PPT2: variants seen among roughly 807,000 people sequenced by gnomAD.
PPT2 encodes the protein palmitoyl-protein thioesterase 2.
A neutral mutation model predicts 37.3 loss-of-function variants in PPT2; 20 were observed. The ratio of observed to expected loss-of-function variants is 0.54; its 90% CI spans 0.38 to 0.78. The LOEUF is 0.78. PPT2 is among the 30% of genes least tolerant of loss of function. The probability of loss-of-function intolerance (pLI) is 0.00; values close to 1 mark genes in which losing one functional copy is unlikely to be tolerated. For missense variants in PPT2, 270 were observed against 389.8 expected (o/e 0.69, Z 2.59); for synonymous variants, 135 against 159.1 (o/e 0.85, Z 1.14).
In PPT2 at chr6:32,157,623, C is replaced by T. The variant is rs374060742; in HGVS notation, c.542-14C>T. The stretch of plus-strand genomic sequence containing the variant: ...CCTTTTCTGCTTCTTTTTCTAACTG[C>T]TGTTTGTACCCAGATCCCCACCACG... On this transcript the variant is annotated splice_polypyrimidine_tract_variant and intron_variant, in intron 5 of 8. Transcript: ENST00000324816. 4.7e-5 allele frequency: 73 copies of T among 1,564,270 alleles called. No homozygotes were observed. The highest frequency in any genetic ancestry group is 3.3e-4 in the Middle Eastern group (2 of 5,992).
intron 7 of PPT2, among the ~76,000 whole-genome samples, chr6:32,158,876 A>T (rs1462882278): frequency 6.6e-6 from 1 of 152,170 alleles, no homozygotes; most frequent in South Asian, 2.1e-4. Flanking sequence ...GCTAGTGCAC[A>T]AGGAGCTGGG....
Position 32,155,118 on chromosome 6 carries a change from G to A in PPT2, c.272G>A (p.Arg91Gln), listed in dbSNP as rs148788801. ...RPLWEQVQGF[R>Q]EAVVPIMAKA... ...CTGTGGGAACAGGTGCAAGGGTTCC[G>A]AGAGGCTGTGGTCCCCATCATGGCA... The change falls in exon 3 of 9, where the codon CGA becomes CAA. Residue 91 changes from arginine (R) to glutamine (Q), a missense_variant. Arg to Gln is a conservative substitution (Grantham distance 43). Transcript: ENST00000324816. The surrounding 1 kb of genome is among the most constrained non-coding windows in gnomAD (Gnocchi z 4.3). 18 of 1,613,026 alleles carry A rather than the reference G, an allele frequency of 1.1e-5. No homozygotes were observed. In the East Asian group the frequency reaches 1.3e-4, roughly 12 times the overall value.
intron 5 of PPT2, 85 bp from the exon 6 acceptor site, chr6:32,157,552 A>C: frequency 3.5e-6 from 4 of 1,140,752 alleles, no homozygotes; most frequent in Non-Finnish European, 5.3e-6. Context: ...CACCTTGACT[A>C]TTGCTGCAGC....
Position 32,162,198 on chromosome 6 carries a change from CTTTTCTT to C in PPT2, c.711-361_711-355del, listed in dbSNP as rs1784204426. Among the ~76,000 whole-genome samples the C allele has an allele frequency of 6.6e-6, 1 of 151,970 alleles. No homozygotes were observed. Among genetic ancestry groups the C allele is most frequent in the Admixed American group, 6.6e-5 (1 of 15,264 alleles). ...CCTTGATTTCTTCCTTTCTTTTTTC[CTTTTCTT>C]TTTTCTTTCCTTTTTCCTTTCCTTT... On this transcript the variant is annotated intron_variant, in intron 7 of 8. Transcript: ENST00000324816. This position sits in a 1 kb window ranked among gnomAD's most constrained non-coding sequence, Gnocchi z 5.5.
chr6:32,159,533 C>G (rs1290814323), intron 7 of PPT2, among the ~76,000 whole-genome samples: 1 of 135,856 alleles, frequency 7.4e-6, no homozygotes, highest in Non-Finnish European at 1.5e-5. Context: ...TTTTTAAATT[C>G]TGAGTGAGAT....
chr6:32,157,897 A>G lies in PPT2; in HGVS notation c.683A>G (p.Asp228Gly), dbSNP rs1440856440. 6.2e-7 allele frequency: 1 copy of G among 1,612,276 alleles called. No homozygotes were observed. The highest frequency in any genetic ancestry group is 8.5e-7 in the Non-Finnish European group (1 of 1,179,588). Residue 228 changes from aspartate (D) to glycine (G), a missense_variant, in exon 7 of 9, where the codon GAT (aspartate) becomes GGT (glycine). Asp to Gly is a moderately conservative substitution (Grantham distance 94). Transcript: ENST00000324816. ...CTGGTGCTGATTGGGGGCCCTGATGATGGTGTTATTACTCCCTGGCAGTCC... is the reference window on the plus strand; with the variant it reads ...CTGGTGCTGATTGGGGGCCCTGATGGTGGTGTTATTACTCCCTGGCAGTCC... ...GHLVLIGGPDDGVITPWQSSF... is the reference protein window; with the variant it reads ...GHLVLIGGPDGGVITPWQSSF...
In PPT2 at chr6:32,162,694, T is replaced by G; in HGVS notation, c.765+72T>G. ...ATTCCAGAGCCCTCTCTGTGACTCC[T>G]GAGCTGAAGGGTTCACCCTGTGGGG... On this transcript the variant is annotated intron_variant, in intron 8 of 8. Transcript: ENST00000324816. This position sits in a 1 kb window ranked among gnomAD's most constrained non-coding sequence, Gnocchi z 5.5. 1.9e-6 allele frequency: 3 copies of G among 1,574,366 alleles called. No homozygotes were observed. The South Asian group carries it at 3.3e-5, about 17-fold the overall frequency.
intron 7 of PPT2, among the ~76,000 whole-genome samples, chr6:32,160,251 TAGCC>T (rs1784067904): frequency 6.6e-6 from 1 of 150,974 alleles, no homozygotes; most frequent in Non-Finnish European, 1.5e-5. Flanking sequence ...TTCACTGTGT[TAGCC>T]AGGATGGTTT....
intron 7 of PPT2, chr6:32,158,284 A>C (rs1263821494): frequency 1.4e-5 from 3 of 216,506 alleles, no homozygotes; most frequent in African/African-American, 6.9e-5. Context: ...GCACAGTATC[A>C]AAACCAGGAA....
In PPT2 at chr6:32,163,662, G is replaced by A. The variant is rs1226300443; in HGVS notation, c.*712G>A. ...TTATCCCTGTATTTATGGAAATAAA[G>A]TTCCATTTCCTCAGTGTGACTTGGC... On this transcript the variant is annotated 3_prime_UTR_variant, in exon 9 of 9. Transcript: ENST00000324816. 2 of 152,684 alleles carry A rather than the reference G, an allele frequency of 1.3e-5. No homozygotes were observed. Among genetic ancestry groups the A allele is most frequent in the African/African-American group, 4.8e-5 (2 of 41,462 alleles). 9.5% of individuals were successfully genotyped at this position (152,684 alleles called of 1,614,324 possible). A position where few individuals can be genotyped will look rare whatever the true frequency, so the allele number is the denominator to read the frequency against.
rs753877007 is a variant in PPT2 at position 32,157,919 on chromosome 6, G to C, written c.705G>C (p.Gln235His). ...GPDDGVITPW[Q>H]SSFFGFYDAN... is the part of the protein sequence containing the mutation. ...ATGATGGTGTTATTACTCCCTGGCA[G>C]TCCAGGTAATAAGGGATTTTGTGGC... The change falls in exon 7 of 9, where the codon CAG (glutamine) becomes CAC (histidine). Residue 235 changes from glutamine to histidine, a missense_variant. Physicochemically the swap from Gln to His is conservative, Grantham distance 24. Coordinates refer to ENST00000324816, the MANE Select transcript of PPT2 (RefSeq NM_005155.7). The C allele has an allele frequency of 6.2e-7, 1 of 1,608,832 alleles. No individual in the cohort carries two copies. The highest frequency in any genetic ancestry group is 8.5e-7 in the Non-Finnish European group (1 of 1,176,486).
At chr6:32,161,273 G>A (rs1203804811) in intron 7 of PPT2, among the ~76,000 whole-genome samples, 2 of 151,926 alleles carry the variant, frequency 1.3e-5, no homozygotes, top group African/African-American at 4.8e-5. Context: ...ATCTTGTTAC[G>A]TCTCTTTAGT....
upstream of PPT2, chr6:32,153,586 C>T: frequency 6.3e-7 from 1 of 1,582,606 alleles, no homozygotes; most frequent in Non-Finnish European, 8.6e-7. This position sits in a 1 kb window ranked among gnomAD's most constrained non-coding sequence, Gnocchi z 4.4. Flanking sequence ...CTCGAGGACT[C>T]TCTGCGTCTC....
At position 32,155,328 on chromosome 6, in the gene PPT2, C is replaced by A; in HGVS notation, c.337+145C>A. On this transcript the variant is annotated intron_variant, in intron 3 of 8. Transcript: ENST00000324816. This position sits in a 1 kb window ranked among gnomAD's most constrained non-coding sequence, Gnocchi z 4.3. ...TGAGCCCTTCCTTTCTGACTTCCCT[C>A]AGCACCTGGGTCTCATCTCTGTCTT... 2 of 968,186 alleles carry A rather than the reference C, an allele frequency of 2.1e-6. No individual in the cohort carries two copies. The highest frequency in any genetic ancestry group is 3.1e-6 in the Non-Finnish European group (2 of 653,744). 60.0% of individuals were successfully genotyped at this position (968,186 alleles called of 1,614,324 possible). A position where few individuals can be genotyped will look rare whatever the true frequency, so the allele number is the denominator to read the frequency against.
upstream of PPT2, chr6:32,154,042 G>A: frequency 8.7e-7 from 1 of 1,147,668 alleles, no homozygotes; most frequent in Non-Finnish European, 1.1e-6. The surrounding 1 kb of genome is among the most constrained non-coding windows in gnomAD (Gnocchi z 7.3). Flanking sequence ...TCCTGTCCTG[G>A]GTCTGTGTTG....
Position 32,159,451 on chromosome 6 carries a change from A to AAAAAT in PPT2, c.710+1528_710+1529insAAATA, listed in dbSNP as rs1290087556. Among the ~76,000 whole-genome samples the AAAAAT allele has an allele frequency of 6.5e-3, 747 of 114,936 alleles. 10 individuals are homozygous for AAAAAT. The highest frequency in any genetic ancestry group is 0.011 in the African/African-American group (325 of 28,550). The allele number at this position is 114,936 out of a possible 152,430, so 75.4% of individuals were successfully genotyped here. A position where few individuals can be genotyped will look rare whatever the true frequency, so the allele number is the denominator to read the frequency against. On this transcript the variant is annotated intron_variant, in intron 7 of 8. Transcript: ENST00000324816. ...TCCATCTCAAAAAAAAAAAAAAAAA[A>AAAAAT]ATATATATATATATATATATATCCT...
intron 7 of PPT2, among the ~76,000 whole-genome samples, chr6:32,161,347 A>G (rs1202604242): frequency 1.3e-5 from 2 of 150,402 alleles, no homozygotes; most frequent in African/African-American, 2.4e-5. Flanking sequence ...CTGGAGTGCA[A>G]TGGCAAATCT....
chr6:32,153,923 C>T, upstream of PPT2: 4 of 1,365,654 alleles, frequency 2.9e-6, no homozygotes, highest in Non-Finnish European at 3.8e-6. This position sits in a 1 kb window ranked among gnomAD's most constrained non-coding sequence, Gnocchi z 4.4. Context: ...GCCTTCTTTC[C>T]ATTCCCAGAA....
chr6:32,158,147 A>T, intron 7 of PPT2: 1 of 460,622 alleles, frequency 2.2e-6, no homozygotes, highest in East Asian at 3.3e-5. Context: ...CATCCCTATC[A>T]CCCCCTCCCC....
Sources: gnomAD v4.1 joint callset for allele counts (sites outside exome capture counted in the v4.1 genomes callset) on GRCh38, gnomAD v4.1.1 for gene constraint, Gnocchi (gnomAD v3.1) non-coding constraint, MANE v1.5 for transcripts, NCBI Gene and HGNC (gene_info 2026-07-23, HGNC 2026-07-21) for gene names.